CRIM1: variants seen among roughly 807,000 people sequenced by gnomAD.
CRIM1 encodes cysteine rich transmembrane BMP regulator 1.
Under a neutral mutation model 116.4 loss-of-function variants are expected in CRIM1, and 32 were observed. The ratio of observed to expected loss-of-function variants is 0.27; its 90% CI spans 0.21 to 0.37. The LOEUF is 0.37. Ranked by LOEUF, CRIM1 falls within the 10% of genes least tolerant of loss-of-function variation. The pLI is 1.00. For missense variants in CRIM1, 1,331 were observed against 1,354.8 expected, an observed-to-expected ratio of 0.98 and a Z score of 0.28; for synonymous variants, 590 against 509.2, an observed-to-expected ratio of 1.16 and a Z score of -2.13.
chr2:36,396,045 C>T (rs1323894862), intron 1 of CRIM1, among the ~76,000 whole-genome samples: 1 of 152,122 alleles, frequency 6.6e-6, no homozygotes, highest in African/African-American at 2.4e-5. Context: ...GTGCTGGGAC[C>T]ACAGGCATGC....
intron 13 of CRIM1, among the ~76,000 whole-genome samples, chr2:36,535,422 T>C (rs983560782): frequency 1.1e-4 from 17 of 152,214 alleles, no homozygotes; most frequent in African/African-American, 3.9e-4. Flanking sequence ...CAAATGAGTT[T>C]TTAGCCTAAT....
At chr2:36,521,962 T>G in intron 12 of CRIM1, 130 bp from the exon 13 acceptor site, 1 of 691,326 alleles carries the variant, frequency 1.4e-6, no homozygotes. Flanking sequence ...ACTTTCTGAT[T>G]TGTTACTGCG....
chr2:36,402,317 G>C (rs1173848399), intron 2 of CRIM1, among the ~76,000 whole-genome samples: 1 of 152,050 alleles, frequency 6.6e-6, no homozygotes, highest in East Asian at 1.9e-4. Context: ...GCCCAAAGGA[G>C]TTTGCCTTAT....
intron 10 of CRIM1, 144 bp downstream of exon 10, chr2:36,512,538 G>GA: frequency 3.2e-5 from 25 of 791,474 alleles, no homozygotes; most frequent in Non-Finnish European, 4.6e-5. Flanking sequence ...CCGTCCCACA[G>GA]GACTCCCTTT....
At chr2:36,378,083 C>T (rs1428646645) in intron 1 of CRIM1, among the ~76,000 whole-genome samples, 2 of 152,180 alleles carry the variant, frequency 1.3e-5, no homozygotes, top group East Asian at 1.9e-4. Context: ...AGACTTTACC[C>T]TTTCTAAACT....
chr2:36,429,576 G>C (rs1674716767), intron 2 of CRIM1, among the ~76,000 whole-genome samples: 1 of 152,200 alleles, frequency 6.6e-6, no homozygotes, highest in Admixed American at 6.5e-5. Flanking sequence ...TTATAGAAAA[G>C]AGAGACCAGC....
chr2:36,377,800 A>G (rs1441462478), intron 1 of CRIM1, among the ~76,000 whole-genome samples: 1 of 152,214 alleles, frequency 6.6e-6, no homozygotes, highest in East Asian at 1.9e-4. Flanking sequence ...TCATAAAATA[A>G]GAGTTATATT....
intron 1 of CRIM1, among the ~76,000 whole-genome samples, chr2:36,388,400 G>T (rs915743726): frequency 6.6e-6 from 1 of 152,154 alleles, no homozygotes; most frequent in Admixed American, 6.5e-5. Context: ...AATTATGACT[G>T]CCATAGGCAT....
In CRIM1 at chr2:36,524,283, G is replaced by A. The variant is rs528054245; in HGVS notation, c.2428+1970G>A. 7.2e-5 allele frequency among the ~76,000 whole-genome samples: 11 copies of A among 152,274 alleles called. No homozygotes were observed. The South Asian group carries it at 2.3e-3, about 32-fold the overall frequency. ...TGTATCAAGGCATATATCCAATTTAGTGCTACTTACCTTTTCAAAGAGCTG... is the reference window on the plus strand; with the variant it reads ...TGTATCAAGGCATATATCCAATTTAATGCTACTTACCTTTTCAAAGAGCTG... On this transcript the variant is annotated intron_variant, in intron 13 of 16. Transcript: ENST00000280527.
chr2:36,460,406 G>A (rs779346586), intron 4 of CRIM1, among the ~76,000 whole-genome samples: 8 of 152,178 alleles, frequency 5.3e-5, no homozygotes, highest in Non-Finnish European at 1.2e-4. Flanking sequence ...GTGACTGCTA[G>A]TGAGTACAGG....
chr2:36,490,692 C>T (rs13430898), intron 7 of CRIM1, among the ~76,000 whole-genome samples: 1 of 152,226 alleles, frequency 6.6e-6, no homozygotes, highest in East Asian at 1.9e-4. Flanking sequence ...GATCCGTTTT[C>T]TGCTTCTACT....
chr2:36,479,773 GTTTA>G, intron 7 of CRIM1, 79 bp downstream of exon 7: 1 of 1,416,038 alleles, frequency 7.1e-7, no homozygotes, highest in Non-Finnish European at 9.9e-7. Context: ...GTTCTTGTTT[GTTTA>G]TTTCCTTGGG....
At chr2:36,458,879 A>C (rs1677357784) in intron 4 of CRIM1, among the ~76,000 whole-genome samples, 1 of 152,228 alleles carries the variant, frequency 6.6e-6, no homozygotes, top group African/African-American at 2.4e-5. Flanking sequence ...GAGTTTAAGT[A>C]GCTTGCTAGC....
At chr2:36,448,784 T>G (rs1382121987) in intron 4 of CRIM1, among the ~76,000 whole-genome samples, 1 of 152,200 alleles carries the variant, frequency 6.6e-6, no homozygotes, top group Non-Finnish European at 1.5e-5. Context: ...TCCAGCTATT[T>G]TAAGGTAGAA....
rs766060809 is a variant in CRIM1 at position 36,513,775 on chromosome 2, G to A, written c.1990+10G>A. ...TGCCCATCATGTGCAGGTAAAAGCT[G>A]GCTGCCATCTGTGTGCTCCATAAGC... On this transcript the variant is annotated intron_variant, in intron 11 of 16. Coordinates refer to ENST00000280527, the MANE Select transcript of CRIM1 (RefSeq NM_016441.3). The A allele has an allele frequency of 2.7e-5, 43 of 1,612,292 alleles. No homozygotes were observed. The highest frequency in any genetic ancestry group is 3.4e-5 in the Non-Finnish European group (40 of 1,178,946).
intron 5 of CRIM1, among the ~76,000 whole-genome samples, chr2:36,474,718 T>C (rs529703207): frequency 6.6e-6 from 1 of 151,854 alleles, no homozygotes; most frequent in East Asian, 1.9e-4. Flanking sequence ...CATGGTGTCA[T>C]GCACCTGTAG....
chr2:36,395,054 G>A (rs1382353905), intron 1 of CRIM1, among the ~76,000 whole-genome samples: 3 of 92,320 alleles, frequency 3.2e-5, no homozygotes, highest in South Asian at 6.9e-4. Flanking sequence ...TCACTTTGTT[G>A]CCCAGGCTGG....
intron 7 of CRIM1, among the ~76,000 whole-genome samples, chr2:36,497,596 A>G (rs1472770259): frequency 1.3e-5 from 2 of 152,236 alleles, no homozygotes; most frequent in Non-Finnish European, 2.9e-5. Flanking sequence ...TCTGTCAGGA[A>G]GAATACCTTG....
chr2:36,496,642 T>G lies in CRIM1; in HGVS notation c.1373-2577T>G, dbSNP rs137983971. On this transcript the variant is annotated intron_variant, in intron 7 of 16. Coordinates refer to ENST00000280527, the MANE Select transcript of CRIM1 (RefSeq NM_016441.3). ...CTTTATGCAATTTTATTTGTTCAAG[T>G]GAACAAAACCTGTTATGCTGAATAT... Among the ~76,000 whole-genome samples the G allele has an allele frequency of 2.9e-3, 438 of 152,324 alleles. 3 individuals carry two copies. Among genetic ancestry groups the G allele is most frequent in the African/African-American group, 0.01 (419 of 41,576 alleles).
Sources: gnomAD v4.1 joint callset for allele counts (sites outside exome capture counted in the v4.1 genomes callset) on GRCh38, gnomAD v4.1.1 for gene constraint, MANE v1.5 for transcripts, NCBI Gene and HGNC (gene_info 2026-07-23, HGNC 2026-07-21) for gene names.